The following TENM3 variants were observed in gnomAD, a reference collection of about 807,000 sequenced individuals.
TENM3 encodes the protein teneurin-3.
A neutral mutation model predicts 255.1 loss-of-function variants in TENM3; 63 were observed. The ratio of observed to expected loss-of-function variants is 0.25; its 90% CI spans 0.20 to 0.30. The LOEUF (loss-of-function observed/expected upper bound fraction) is 0.30. Ranked by LOEUF, TENM3 falls within the 10% of genes least tolerant of loss-of-function variation. The probability of loss-of-function intolerance (pLI) is 1.00; values close to 1 mark genes in which losing one functional copy is unlikely to be tolerated. For missense variants in TENM3, 2,929 were observed against 3,461.1 expected (o/e 0.85, Z 3.86); for synonymous variants, 1,306 against 1,322.3 (o/e 0.99, Z 0.27).
In TENM3 at chr4:182,427,451, T is replaced by C. The variant is rs368012470; in HGVS notation, c.511+80522T>C. ...CAGGATGGAACTACTTGGCTCTCTT[T>C]TCTGCAACAGAATTGTTGCATTAAG... On this transcript the variant is annotated intron_variant, in intron 3 of 27. Coordinates refer to ENST00000511685, the MANE Select transcript of TENM3 (RefSeq NM_001080477.4). Among the ~76,000 whole-genome samples the C allele has an allele frequency of 5.3e-5, 8 of 152,198 alleles. 1 individual carries two copies. The highest frequency in any genetic ancestry group is 2.6e-4 in the Admixed American group (4 of 15,268).
chr4:182,616,197 T>A (rs1165030297), intron 4 of TENM3, among the ~76,000 whole-genome samples: 4 of 152,190 alleles, frequency 2.6e-5, no homozygotes, highest in African/African-American at 9.7e-5. Context: ...GGCGCTTCCT[T>A]ATCAGTCTTG....
the TENM3 span, among the ~76,000 whole-genome samples, chr4:181,861,157 G>A: frequency 2.0e-5 from 3 of 152,106 alleles, no homozygotes; most frequent in African/African-American, 7.2e-5. Context: ...ACTGTAAACT[G>A]TAACTTGCAT....
intron 3 of TENM3, among the ~76,000 whole-genome samples, chr4:182,558,595 T>C (rs533205345): frequency 2.6e-5 from 4 of 152,196 alleles, no homozygotes; most frequent in African/African-American, 4.8e-5. Context: ...AAGGCCTCTG[T>C]AGTCATTCTT....
chr4:182,295,800 T>C (rs1396187813), intron 1 of TENM3, among the ~76,000 whole-genome samples: 1 of 152,172 alleles, frequency 6.6e-6, no homozygotes, highest in Non-Finnish European at 1.5e-5. Context: ...GAGTTTGACA[T>C]CTGGATAACG....
At chr4:182,273,277 G>T (rs1322140188) in intron 1 of TENM3, among the ~76,000 whole-genome samples, 1 of 152,202 alleles carries the variant, frequency 6.6e-6, no homozygotes, top group Non-Finnish European at 1.5e-5. Context: ...GTTTGCCTGC[G>T]ATTTCACTAC....
At chr4:181,562,261 T>G in the TENM3 span, among the ~76,000 whole-genome samples, 1 of 152,188 alleles carries the variant, frequency 6.6e-6, no homozygotes, top group Non-Finnish European at 1.5e-5. Context: ...AAATTTTTCT[T>G]ACTTCCAGGT....
At chr4:181,741,274 G>T in the TENM3 span, among the ~76,000 whole-genome samples, 1 of 152,130 alleles carries the variant, frequency 6.6e-6, no homozygotes, top group South Asian at 2.1e-4. Context: ...TTCTGTAATT[G>T]TGTGTTCATA....
At chr4:181,522,379 G>T in the TENM3 span, among the ~76,000 whole-genome samples, 1 of 152,118 alleles carries the variant, frequency 6.6e-6, no homozygotes, top group African/African-American at 2.4e-5. Flanking sequence ...TGATTAGAAT[G>T]ATCTTATGAA....
intron 3 of TENM3, among the ~76,000 whole-genome samples, chr4:182,477,364 G>C (rs73872408): frequency 1.3e-5 from 2 of 152,102 alleles, no homozygotes; most frequent in Admixed American, 1.3e-4. Flanking sequence ...CGTCATCAGC[G>C]TTCCACCTTC....
At chr4:181,825,125 G>A in the TENM3 span, among the ~76,000 whole-genome samples, 1 of 152,214 alleles carries the variant, frequency 6.6e-6, no homozygotes, top group Non-Finnish European at 1.5e-5. Context: ...GATTCAGGCT[G>A]GACGCGGTGG....
chr4:182,015,781 G>A, the TENM3 span, among the ~76,000 whole-genome samples: 8 of 151,936 alleles, frequency 5.3e-5, no homozygotes, highest in South Asian at 2.1e-4. Flanking sequence ...GGCTGGTCTC[G>A]AACTCCTGAC....
At chr4:182,408,366 G>T (rs959061853) in intron 3 of TENM3, among the ~76,000 whole-genome samples, 1 of 152,170 alleles carries the variant, frequency 6.6e-6, no homozygotes, top group Middle Eastern at 3.2e-3. Flanking sequence ...TAAAATGCAG[G>T]CAGAAATATG....
chr4:182,175,306 A>ATATATATATATATAT (rs1326077334), intron 1 of TENM3, among the ~76,000 whole-genome samples: 4 of 80,492 alleles, frequency 5.0e-5, no homozygotes, highest in African/African-American at 1.5e-4. Flanking sequence ...CTTCATTAAA[A>ATATATATATATATAT]AAAAAAAAAT....
At chr4:182,212,050 G>A (rs1307957638) in intron 1 of TENM3, among the ~76,000 whole-genome samples, 1 of 152,104 alleles carries the variant, frequency 6.6e-6, no homozygotes, top group African/African-American at 2.4e-5. Flanking sequence ...ATTAGCAAAA[G>A]CCTATCCATA....
intron 3 of TENM3, among the ~76,000 whole-genome samples, chr4:182,495,644 T>TC (rs1560828335): frequency 1.3e-5 from 2 of 152,148 alleles, no homozygotes; most frequent in Non-Finnish European, 1.5e-5. Flanking sequence ...TTTCAAGATT[T>TC]CCCCCCGTAG....
intron 3 of TENM3, among the ~76,000 whole-genome samples, chr4:182,394,577 G>A (rs1246446619): frequency 6.6e-6 from 1 of 152,160 alleles, no homozygotes; most frequent in East Asian, 1.9e-4. Context: ...TGTAAGCTCT[G>A]AGGCACAAAG....
At chr4:181,727,160 C>A in the TENM3 span, among the ~76,000 whole-genome samples, 1 of 152,288 alleles carries the variant, frequency 6.6e-6, no homozygotes, top group East Asian at 1.9e-4. Context: ...AATGTTCAAC[C>A]CCTCTACCTT....
chr4:181,727,865 G>C, the TENM3 span, among the ~76,000 whole-genome samples: 1 of 152,184 alleles, frequency 6.6e-6, no homozygotes, highest in Non-Finnish European at 1.5e-5. Flanking sequence ...CGATTTGACA[G>C]CTAGTCCTAA....
the TENM3 span, among the ~76,000 whole-genome samples, chr4:181,662,138 C>G: frequency 3.8e-4 from 58 of 152,234 alleles, no homozygotes; most frequent in Middle Eastern, 3.4e-3. Context: ...TGTTTGTTAG[C>G]TTTAATTTAT....
Sources: gnomAD v4.1 joint callset for allele counts (sites outside exome capture counted in the v4.1 genomes callset) on GRCh38, gnomAD v4.1.1 for gene constraint, MANE v1.5 for transcripts, NCBI Gene and HGNC (gene_info 2026-07-23, HGNC 2026-07-21) for gene names.